QTMAN: variants seen among roughly 807,000 people sequenced by gnomAD.
QTMAN encodes queuosine-tRNA mannosyltransferase, also known as tRNA-queuosine alpha-mannosyltransferase.
At chr2:144,219,970 GTTCT>G in the QTMAN span, among the ~76,000 whole-genome samples, 4 of 152,102 alleles carry the variant, frequency 2.6e-5, no homozygotes, top group Non-Finnish European at 5.9e-5. Context: ...TTTTGAAGGA[GTTCT>G]TTTTCTAGTC....
At chr2:144,068,403 C>T in the QTMAN span, among the ~76,000 whole-genome samples, 9 of 152,110 alleles carry the variant, frequency 5.9e-5, no homozygotes, top group Non-Finnish European at 7.3e-5. Context: ...ATAAAAAGGC[C>T]ACTTTCTGAA....
At chr2:144,137,053 T>C in the QTMAN span, among the ~76,000 whole-genome samples, 1 of 152,136 alleles carries the variant, frequency 6.6e-6, no homozygotes, top group Non-Finnish European at 1.5e-5. Context: ...TCCTGGTCAC[T>C]GAAAACTGAA....
At chr2:144,190,508 T>C in the QTMAN span, among the ~76,000 whole-genome samples, 2 of 152,208 alleles carry the variant, frequency 1.3e-5, no homozygotes, top group African/African-American at 4.8e-5. Context: ...ATATCTAAAA[T>C]GCTTTTACTC....
chr2:144,061,253 CTCTTA>C, the QTMAN span, among the ~76,000 whole-genome samples: 1 of 152,124 alleles, frequency 6.6e-6, no homozygotes, highest in Non-Finnish European at 1.5e-5. Flanking sequence ...CTCTCCTCTC[CTCTTA>C]TAATTAATAT....
chr2:144,089,408 T>C, the QTMAN span, among the ~76,000 whole-genome samples: 1 of 151,912 alleles, frequency 6.6e-6, no homozygotes, highest in Non-Finnish European at 1.5e-5. Flanking sequence ...AAACTAAACA[T>C]AGAATTACCA....
chr2:143,988,167 T>C, the QTMAN span, among the ~76,000 whole-genome samples: 1 of 152,186 alleles, frequency 6.6e-6, no homozygotes, highest in African/African-American at 2.4e-5. Context: ...CTCAGGTCTA[T>C]GGAAACAGGA....
the QTMAN span, among the ~76,000 whole-genome samples, chr2:144,327,073 C>G: frequency 1.7e-4 from 26 of 152,254 alleles, no homozygotes; most frequent in Middle Eastern, 3.4e-3. Context: ...GCCCCCAACC[C>G]ACAGAGGATC....
chr2:144,281,419 C>T, the QTMAN span, among the ~76,000 whole-genome samples: 3 of 73,022 alleles, frequency 4.1e-5, no homozygotes, highest in Non-Finnish European at 8.5e-5. Context: ...AAAAAAAAAA[C>T]GGAAAATAAC....
the QTMAN span, among the ~76,000 whole-genome samples, chr2:144,315,494 T>C: frequency 6.6e-6 from 1 of 152,202 alleles, no homozygotes; most frequent in African/African-American, 2.4e-5. Flanking sequence ...AAGATAGAAA[T>C]ACAACTTCAT....
chr2:143,942,354 C>A, the QTMAN span: 52 of 167,260 alleles, frequency 3.1e-4, no homozygotes, highest in Non-Finnish European at 7.3e-5. Flanking sequence ...GCCTCACATG[C>A]AGCAAGGGCA....
chr2:144,217,013 A>G, the QTMAN span, among the ~76,000 whole-genome samples: 5 of 152,168 alleles, frequency 3.3e-5, no homozygotes, highest in Admixed American at 3.3e-4. Flanking sequence ...TTCTTTTTAT[A>G]AAAGTTTGAC....
chr2:144,189,009 T>C, the QTMAN span, among the ~76,000 whole-genome samples: 1 of 152,224 alleles, frequency 6.6e-6, no homozygotes, highest in Non-Finnish European at 1.5e-5. Context: ...TAGTTATATT[T>C]ATACTTACAA....
chr2:144,277,437 A>C, the QTMAN span, among the ~76,000 whole-genome samples: 1 of 152,198 alleles, frequency 6.6e-6, no homozygotes, highest in Non-Finnish European at 1.5e-5. Flanking sequence ...ATATCAATTC[A>C]ACAAGAATAT....
At chr2:144,309,518 A>C in the QTMAN span, among the ~76,000 whole-genome samples, 1 of 152,244 alleles carries the variant, frequency 6.6e-6, no homozygotes, top group Non-Finnish European at 1.5e-5. Flanking sequence ...ATAATGTATA[A>C]TTCTATTTAT....
At chr2:144,162,687 G>A in the QTMAN span, among the ~76,000 whole-genome samples, 1 of 152,180 alleles carries the variant, frequency 6.6e-6, no homozygotes, top group South Asian at 2.1e-4. Context: ...GGCAACAAGA[G>A]AGACCTAGGG....
chr2:144,320,417 C>T, the QTMAN span, among the ~76,000 whole-genome samples: 2 of 152,162 alleles, frequency 1.3e-5, no homozygotes, highest in Non-Finnish European at 2.9e-5. Flanking sequence ...TTACTTCTAT[C>T]CATTCAACTA....
At chr2:144,284,392 CAT>C in the QTMAN span, among the ~76,000 whole-genome samples, 45 of 151,534 alleles carry the variant, frequency 3.0e-4, no homozygotes, top group Middle Eastern at 7.0e-3. Context: ...AATTTAATGA[CAT>C]GTGAGAAATT....
chr2:143,988,156 T>G, the QTMAN span, among the ~76,000 whole-genome samples: 2 of 152,202 alleles, frequency 1.3e-5, no homozygotes, highest in African/African-American at 4.8e-5. Context: ...CTTGCTGTTT[T>G]CTCAGGTCTA....
the QTMAN span, among the ~76,000 whole-genome samples, chr2:144,097,492 CTGTT>C: frequency 1.6e-4 from 24 of 152,250 alleles, no homozygotes; most frequent in African/African-American, 2.6e-4. Context: ...CCCAGTGTGT[CTGTT>C]TGAGTTTGAA....
Sources: allele counts gnomAD v4.1 joint callset (sites outside exome capture counted in the v4.1 genomes callset), GRCh38; gene constraint gnomAD v4.1.1; transcripts MANE v1.5; gene names NCBI Gene and HGNC (gene_info 2026-07-23, HGNC 2026-07-21).